The following MAGI2 variants were observed in gnomAD, a reference collection of about 807,000 sequenced individuals.
MAGI2 encodes membrane associated guanylate kinase, WW and PDZ domain containing 2.
A neutral mutation model predicts 133.3 loss-of-function variants in MAGI2; 35 were observed. The ratio of observed to expected loss-of-function variants is 0.26; its 90% confidence interval spans 0.20 to 0.35. The LOEUF is 0.35. Ranked by LOEUF, MAGI2 falls within the 10% of genes least tolerant of loss-of-function variation. The pLI is 1.00. For missense variants in MAGI2, 1,636 were observed against 1,863.4 expected (o/e 0.88, Z 2.25); for synonymous variants, 729 against 710.6 (o/e 1.03, Z -0.41).
At chr7:79,156,582 A>C (rs1242780896) in intron 1 of MAGI2, among the ~76,000 whole-genome samples, 1 of 152,090 alleles carries the variant, frequency 6.6e-6, no homozygotes, top group Non-Finnish European at 1.5e-5. Context: ...AAAATGTTTA[A>C]ATTTACCTAT....
rs777189267 is a variant in MAGI2, at chr7:78,019,991, C to G, written c.3707-15G>C. ...GGCGGGTTCGTCTGTGGACGGGAAG[C>G]ACAGGCGTTAGCAGTGGCGCACGCA... On this transcript the variant is annotated splice_polypyrimidine_tract_variant and intron_variant, in intron 21 of 21. Coordinates refer to ENST00000354212, the MANE Select transcript of MAGI2 (RefSeq NM_012301.4). The G allele has an allele frequency of 1.3e-6, 2 of 1,593,150 alleles. No homozygotes were observed. Among genetic ancestry groups the G allele is most frequent in the South Asian group, 2.3e-5 (2 of 88,630 alleles).
chr7:78,352,319 A>G (rs529789989), intron 7 of MAGI2, among the ~76,000 whole-genome samples: 1 of 152,326 alleles, frequency 6.6e-6, no homozygotes, highest in South Asian at 2.1e-4. Context: ...GAAATGCTGA[A>G]TTTTAGAAGT....
At chr7:79,423,130 G>A (rs915654581) in intron 1 of MAGI2, among the ~76,000 whole-genome samples, 1 of 151,908 alleles carries the variant, frequency 6.6e-6, no homozygotes. Flanking sequence ...CACTCTCCTA[G>A]AACCAACATA....
intron 1 of MAGI2, among the ~76,000 whole-genome samples, chr7:79,204,212 C>T (rs916820548): frequency 1.3e-5 from 2 of 152,062 alleles, no homozygotes; most frequent in African/African-American, 4.8e-5. Context: ...CATATTAAGC[C>T]TCTGGATCTA....
intron 21 of MAGI2, among the ~76,000 whole-genome samples, chr7:78,041,017 G>T (rs535760307): frequency 2.8e-4 from 42 of 152,228 alleles, no homozygotes; most frequent in African/African-American, 1.0e-3. Context: ...GCGTGTTGAT[G>T]GGGAAAGATT....
chr7:78,434,187 G>A (rs907439316), intron 6 of MAGI2, among the ~76,000 whole-genome samples: 3 of 152,108 alleles, frequency 2.0e-5, no homozygotes, highest in African/African-American at 7.2e-5. Context: ...GATATTCTGT[G>A]CATTGGTAGA....
intron 2 of MAGI2, among the ~76,000 whole-genome samples, chr7:78,700,381 A>G (rs1817944825): frequency 6.6e-6 from 1 of 151,068 alleles, no homozygotes; most frequent in Non-Finnish European, 1.5e-5. Flanking sequence ...CAATTCAGAT[A>G]AGACTCAAAT....
In MAGI2 at chr7:79,391,514, T is replaced by TATATATATATATATAGAC. The variant is rs1554469543; in HGVS notation, c.301+61505_301+61506insGTCTATATATATATATAT. Among the ~76,000 whole-genome samples, 60 of 46,308 alleles carry TATATATATATATATAGAC rather than the reference T, an allele frequency of 1.3e-3. No homozygotes were observed. The African/African-American group carries it at 0.019, about 15-fold the overall frequency. 30.4% of individuals were successfully genotyped at this position (46,308 alleles called of 152,430 possible). On this transcript the variant is annotated intron_variant, in intron 1 of 21. Coordinates refer to ENST00000354212, the MANE Select transcript of MAGI2 (RefSeq NM_012301.4). ...ATATATATATATATATAGACATATA[T>TATATATATATATATAGAC]ATATATATATATATATATATATAGA...
At chr7:78,510,402 A>G (rs1795466180) in intron 4 of MAGI2, among the ~76,000 whole-genome samples, 1 of 152,228 alleles carries the variant, frequency 6.6e-6, no homozygotes, top group Admixed American at 6.5e-5. Context: ...GCTAGAATAT[A>G]GTAGGTGTTC....
At chr7:79,405,921 C>CA (rs34025242) in intron 1 of MAGI2, among the ~76,000 whole-genome samples, 1,523 of 107,268 alleles carry the variant, frequency 0.014, 19 homozygotes, top group East Asian at 0.03. Context: ...AACCACAACA[C>CA]AAAAAAAAAA....
At chr7:79,372,790 C>G (rs886779512) in intron 1 of MAGI2, among the ~76,000 whole-genome samples, 1 of 151,956 alleles carries the variant, frequency 6.6e-6, no homozygotes, top group Non-Finnish European at 1.5e-5. Context: ...ACTGTTTAGT[C>G]AAGACTCAAA....
In MAGI2 at chr7:79,317,024, T is replaced by TC. The variant is rs1460178788; in HGVS notation, c.301+135995_301+135996insG. 2.9e-5 allele frequency among the ~76,000 whole-genome samples: 4 copies of TC among 139,414 alleles called. No individual in the cohort carries two copies. In the East Asian group the frequency reaches 5.9e-4, roughly 21 times the overall value. 91.5% of individuals were successfully genotyped at this position (139,414 alleles called of 152,430 possible). The stretch of plus-strand genomic sequence containing the variant: ...GGGTTTTTTTTTTTCTTTTTCTTTT[T>TC]TTTTTTTTTTTTTTTGAGGCAGAGT... On this transcript the variant is annotated intron_variant, in intron 1 of 21. Transcript: ENST00000354212.
rs1487831431 is a variant in MAGI2 at position 79,232,261 on chromosome 7, G to T, written c.301+220759C>A. ...ATATTGGTCTAAAATTCTCTTTTTTGGTTGTGTCTCTGCCAGGCTTTGGTA... is the reference window on the plus strand; with the variant it reads ...ATATTGGTCTAAAATTCTCTTTTTTTGTTGTGTCTCTGCCAGGCTTTGGTA... On this transcript the variant is annotated intron_variant, in intron 1 of 21. Coordinates refer to ENST00000354212, the MANE Select transcript of MAGI2 (RefSeq NM_012301.4). Among the ~76,000 whole-genome samples, 385 of 150,008 alleles carry T rather than the reference G, an allele frequency of 2.6e-3. 1 individual carries two copies. The highest frequency in any genetic ancestry group is 4.1e-3 in the Non-Finnish European group (278 of 67,404).
chr7:78,139,152 G>T (rs1174564424), intron 16 of MAGI2, among the ~76,000 whole-genome samples: 1 of 152,200 alleles, frequency 6.6e-6, no homozygotes. Context: ...TAAAATGACT[G>T]AGTGACTTGC....
At chr7:78,955,765 C>CTTTCTTTCT (rs1802307933) in intron 2 of MAGI2, among the ~76,000 whole-genome samples, 4 of 69,566 alleles carry the variant, frequency 5.7e-5, no homozygotes, top group South Asian at 9.3e-4. Flanking sequence ...TTCTTTCTTT[C>CTTTCTTTCT]TTTCTTTCTT....
chr7:78,227,850 T>TTGTGTGTGTGTGTGTGTG (rs3085614), intron 10 of MAGI2, among the ~76,000 whole-genome samples: 7,767 of 145,430 alleles, frequency 0.053, 310 homozygotes, highest in Middle Eastern at 0.1. Flanking sequence ...TCTTACTCAG[T>TTGTGTGTGTGTGTGTGTG]TGTGTGTGTG....
At chr7:78,591,965 A>G (rs898162781) in intron 3 of MAGI2, among the ~76,000 whole-genome samples, 5 of 152,194 alleles carry the variant, frequency 3.3e-5, no homozygotes, top group African/African-American at 9.6e-5. Flanking sequence ...AAATGTAAAG[A>G]CATTTTATTA....
chr7:78,446,563 G>A (rs1788161452), intron 6 of MAGI2, among the ~76,000 whole-genome samples: 1 of 151,992 alleles, frequency 6.6e-6, no homozygotes, highest in Non-Finnish European at 1.5e-5. Context: ...TCTTCATAAA[G>A]TATCAATTAA....
chr7:79,055,846 A>G (rs1323294429), intron 1 of MAGI2, among the ~76,000 whole-genome samples: 3 of 152,084 alleles, frequency 2.0e-5, no homozygotes, highest in African/African-American at 7.2e-5. Flanking sequence ...TCTGCACACA[A>G]CCTCTTGGTC....
Sources: gnomAD v4.1 joint callset for allele counts (sites outside exome capture counted in the v4.1 genomes callset) on GRCh38, gnomAD v4.1.1 for gene constraint, MANE v1.5 for transcripts, NCBI Gene and HGNC (gene_info 2026-07-23, HGNC 2026-07-21) for gene names.